SLCO3A1: variants seen among roughly 807,000 people sequenced by gnomAD.
SLCO3A1 encodes the protein solute carrier organic anion transporter family member 3A1, also known as PGE1 transporter.
SLCO3A1 carries 27 observed loss-of-function variants against 63.1 expected under a neutral mutation model. The observed-to-expected ratio is 0.43, with a 90% confidence interval of 0.32 to 0.59. The LOEUF (loss-of-function observed/expected upper bound fraction) is 0.59, where lower values mean the gene tolerates loss of function less well. Ranked by LOEUF, SLCO3A1 falls within the 20% of genes least tolerant of loss-of-function variation. The pLI is 0.09. For synonymous variants in SLCO3A1, 473 were observed against 409.9 expected (o/e 1.15, Z -1.86); for missense variants, 773 against 945.8 (o/e 0.82, Z 2.40).
In SLCO3A1 at chr15:92,130,427, A is replaced by G. The variant is rs142415591; in HGVS notation, c.1512+1938A>G. ...AGGAGGATATTCTCATGCAATTGCA[A>G]TGCAGAGACAGAGAAACCACCAGGC... On this transcript the variant is annotated intron_variant, in intron 7 of 9. Transcript: ENST00000318445. 2.1e-3 allele frequency among the ~76,000 whole-genome samples: 319 copies of G among 152,348 alleles called. 2 individuals carry two copies. The highest frequency in any genetic ancestry group is 3.6e-3 in the Non-Finnish European group (247 of 68,026).
chr15:91,855,634 G>A (rs542077783), intron 1 of SLCO3A1, among the ~76,000 whole-genome samples: 3 of 152,244 alleles, frequency 2.0e-5, no homozygotes, highest in East Asian at 1.9e-4. Context: ...TTGAGGGATA[G>A]GGGATAATTG....
chr15:91,912,511 T>A lies in SLCO3A1; in HGVS notation c.181-3482T>A, dbSNP rs1197855358. 1.3e-5 allele frequency among the ~76,000 whole-genome samples: 2 copies of A among 152,208 alleles called. No homozygotes were observed. Among genetic ancestry groups the A allele is most frequent in the African/African-American group, 4.8e-5 (2 of 41,450 alleles). ...CTGTCTCTAAAAGAACTGATTATTTTTTGTTTTGCCCACAGCTGTCTCTGT... is the reference window on the plus strand; with the variant it reads ...CTGTCTCTAAAAGAACTGATTATTTATTGTTTTGCCCACAGCTGTCTCTGT... On this transcript the variant is annotated intron_variant, in intron 1 of 9. Coordinates refer to ENST00000318445, the MANE Select transcript of SLCO3A1 (RefSeq NM_013272.4). The surrounding 1 kb of genome is among the most constrained non-coding windows in gnomAD (Gnocchi z 5.0).
At chr15:92,039,514 A>G (rs1257898140) in intron 2 of SLCO3A1, among the ~76,000 whole-genome samples, 1 of 152,220 alleles carries the variant, frequency 6.6e-6, no homozygotes, top group Non-Finnish European at 1.5e-5. Context: ...CAAAACGACA[A>G]TGAGATAGTG....
chr15:92,107,057 G>A (rs914998148), intron 4 of SLCO3A1, among the ~76,000 whole-genome samples: 25 of 152,324 alleles, frequency 1.6e-4, no homozygotes, highest in African/African-American at 5.5e-4. Flanking sequence ...GCAATGACAA[G>A]GTAAGCAAGC....
rs2046443291 is a variant in SLCO3A1, at chr15:92,016,805, G to A, written c.647-78076G>A. 2.0e-5 allele frequency among the ~76,000 whole-genome samples: 3 copies of A among 152,124 alleles called. No individual in the cohort carries two copies. The South Asian group carries it at 6.2e-4, about 32-fold the overall frequency. ...GGAGGAGGAGGAGGGAAAGATTGGG[G>A]GAGGATGGAAGATGAACTTCGGGCC... On this transcript the variant is annotated intron_variant, in intron 2 of 9. Transcript: ENST00000318445.
chr15:92,122,197 C>G (rs557377402), intron 5 of SLCO3A1, among the ~76,000 whole-genome samples: 21 of 152,132 alleles, frequency 1.4e-4, no homozygotes, highest in Non-Finnish European at 2.4e-4. Context: ...AGGAGTTCAC[C>G]TGTTCTCCTG....
At chr15:92,016,254 T>TAGATAGATAGATAGATTAGA in intron 2 of SLCO3A1, among the ~76,000 whole-genome samples, 484 of 95,604 alleles carry the variant, frequency 5.1e-3, no homozygotes, top group Non-Finnish European at 6.6e-3. Flanking sequence ...GATAGATAGA[T>TAGATAGATAGATAGATTAGA]TAGATAGATA....
intron 8 of SLCO3A1, 72 bp from the exon 9 acceptor site, chr15:92,150,878 T>C: frequency 9.2e-7 from 1 of 1,083,854 alleles, no homozygotes; most frequent in Non-Finnish European, 1.4e-6. Flanking sequence ...AGCAAATGAC[T>C]CTGGGGTCTG....
At position 92,047,541 on chromosome 15, in the gene SLCO3A1, AT is replaced by A. The variant is rs1349966339; in HGVS notation, c.647-47339del. Among the ~76,000 whole-genome samples the A allele has an allele frequency of 2.5e-4, 5 of 20,370 alleles. 1 individual carries two copies. The highest frequency in any genetic ancestry group is 9.6e-4 in the African/African-American group (3 of 3,114). 13.4% of individuals were successfully genotyped at this position (20,370 alleles called of 152,430 possible). A position where few individuals can be genotyped will look rare whatever the true frequency, so the allele number is the denominator to read the frequency against. On this transcript the variant is annotated intron_variant, in intron 2 of 9. Coordinates refer to ENST00000318445, the MANE Select transcript of SLCO3A1 (RefSeq NM_013272.4). ...TACATAAATAAATATATAAATATAT[AT>A]AATATATAAATATATAAATATATAT...
At position 92,133,383 on chromosome 15, in the gene SLCO3A1, G is replaced by A. The variant is rs750447180; in HGVS notation, c.1512+4894G>A. Among the ~76,000 whole-genome samples the A allele has an allele frequency of 2.7e-5, 4 of 146,268 alleles. 1 individual carries two copies. Among genetic ancestry groups the A allele is most frequent in the Non-Finnish European group, 6.1e-5 (4 of 65,270 alleles). The stretch of plus-strand genomic sequence containing the variant: ...ATTTGCCCACTATAAAAACCAACTG[G>A]AGAGTTAGATATGCCATATAGCAGG... On this transcript the variant is annotated intron_variant, in intron 7 of 9. Coordinates refer to ENST00000318445, the MANE Select transcript of SLCO3A1 (RefSeq NM_013272.4).
chr15:92,094,814 C>T, intron 2 of SLCO3A1, 67 bp from the exon 3 acceptor site: 1 of 985,848 alleles, frequency 1.0e-6, no homozygotes, highest in East Asian at 2.4e-5. Flanking sequence ...TCTCCTTGAC[C>T]TTTGGTGATT....
Position 92,018,668 on chromosome 15 carries a change from G to A in SLCO3A1, c.647-76213G>A, listed in dbSNP as rs143569330. Among the ~76,000 whole-genome samples the A allele has an allele frequency of 1.0e-3, 158 of 152,318 alleles. 3 individuals are homozygous for A. In the East Asian group the frequency reaches 0.028, roughly 27 times the overall value. ...AAGTGAGGCAGGAGGGAGGACTGGCGTCCGTCGGGCCACCAGGAGTGGGGA... is the reference window on the plus strand; with the variant it reads ...AAGTGAGGCAGGAGGGAGGACTGGCATCCGTCGGGCCACCAGGAGTGGGGA... On this transcript the variant is annotated intron_variant, in intron 2 of 9. Coordinates refer to ENST00000318445, the MANE Select transcript of SLCO3A1 (RefSeq NM_013272.4).
chr15:91,921,519 CT>C (rs1898844260), intron 2 of SLCO3A1, among the ~76,000 whole-genome samples: 1 of 152,080 alleles, frequency 6.6e-6, no homozygotes, highest in Non-Finnish European at 1.5e-5. Context: ...ATTTTTCTCT[CT>C]AAGTACTTGA....
chr15:91,985,321 TGCA>T (rs2046038251), intron 2 of SLCO3A1, among the ~76,000 whole-genome samples: 1 of 152,220 alleles, frequency 6.6e-6, no homozygotes, highest in Non-Finnish European at 1.5e-5. Context: ...TCTGTTTAAG[TGCA>T]GCACTCCATT....
chr15:92,143,766 G>GGGCTGC (rs2048182173), intron 7 of SLCO3A1, among the ~76,000 whole-genome samples: 1 of 151,670 alleles, frequency 6.6e-6, no homozygotes. Flanking sequence ...GCTGGGGCTG[G>GGGCTGC]GGCTGCGTAA....
intron 2 of SLCO3A1, among the ~76,000 whole-genome samples, chr15:91,996,551 G>A (rs558401791): frequency 1.1e-4 from 16 of 152,136 alleles, no homozygotes; most frequent in African/African-American, 2.4e-4. Flanking sequence ...ACATAATTTC[G>A]TGTAAGGGGA....
rs1044318809 is a variant in SLCO3A1 at position 91,916,767 on chromosome 15, A to C, written c.646+309A>C. Among the ~76,000 whole-genome samples the C allele has an allele frequency of 3.9e-5, 6 of 152,222 alleles. No homozygotes were observed. Among genetic ancestry groups the C allele is most frequent in the African/African-American group, 1.2e-4 (5 of 41,524 alleles). On this transcript the variant is annotated intron_variant, in intron 2 of 9. Coordinates refer to ENST00000318445, the MANE Select transcript of SLCO3A1 (RefSeq NM_013272.4). The surrounding 1 kb of genome is among the most constrained non-coding windows in gnomAD (Gnocchi z 6.2). Reference sequence around the variant, plus strand: ...CTCTTCTTTTTGAGTGCGTATGTGGACTTTGGGCTTTCTGATATTAGCCAC... The same window carrying C: ...CTCTTCTTTTTGAGTGCGTATGTGGCCTTTGGGCTTTCTGATATTAGCCAC...
intron 2 of SLCO3A1, among the ~76,000 whole-genome samples, chr15:91,990,785 A>T (rs1204817030): frequency 6.6e-6 from 1 of 152,160 alleles, no homozygotes; most frequent in Non-Finnish European, 1.5e-5. Context: ...GCCCCCTGCC[A>T]TCCCCCATTC....
intron 1 of SLCO3A1, among the ~76,000 whole-genome samples, chr15:91,857,052 G>C (rs527502387): frequency 0.1 from 15,106 of 150,458 alleles, 2,459 homozygotes; most frequent in African/African-American, 0.34. Context: ...GTGTGTGTGT[G>C]TGTGTGTGTG....
Sources: allele counts gnomAD v4.1 joint callset (sites outside exome capture counted in the v4.1 genomes callset), GRCh38; gene constraint gnomAD v4.1.1; non-coding constraint Gnocchi (gnomAD v3.1); transcripts MANE v1.5; gene names NCBI Gene and HGNC (gene_info 2026-07-23, HGNC 2026-07-21).